CSNK1G3: variants seen among roughly 807,000 people sequenced by gnomAD.
The protein encoded by CSNK1G3 is casein kinase I isoform gamma-3.
A neutral mutation model predicts 64.3 loss-of-function variants in CSNK1G3; 23 were observed. That is an observed-to-expected ratio of 0.36 (90% CI 0.26 to 0.51). The LOEUF (loss-of-function observed/expected upper bound fraction) is 0.51, where lower values mean the gene tolerates loss of function less well. Among genes scored for constraint, CSNK1G3 ranks in the 20% least tolerant of loss-of-function variants. The pLI is 0.96. For missense variants in CSNK1G3, 357 were observed against 510.5 expected (o/e 0.70, Z 2.90); for synonymous variants, 158 against 162.2 (o/e 0.97, Z 0.20).
chr5:123,602,620 T>C (rs1794693852), intron 10 of CSNK1G3, among the ~76,000 whole-genome samples: 2 of 152,224 alleles, frequency 1.3e-5, no homozygotes, highest in South Asian at 4.1e-4. Flanking sequence ...AGCCTGGAAG[T>C]CTGGAAGATG....
At chr5:123,601,628 G>A (rs529838068) in intron 10 of CSNK1G3, among the ~76,000 whole-genome samples, 5 of 152,160 alleles carry the variant, frequency 3.3e-5, no homozygotes, top group African/African-American at 4.8e-5. Flanking sequence ...TATAATTACA[G>A]TGTATATATA....
intron 4 of CSNK1G3, among the ~76,000 whole-genome samples, chr5:123,557,925 A>G (rs1178042727): frequency 6.6e-6 from 1 of 152,220 alleles, no homozygotes; most frequent in Non-Finnish European, 1.5e-5. Context: ...CATAATCCCT[A>G]GAACCTCTAC....
chr5:123,582,729 G>C (rs961440467), intron 6 of CSNK1G3, among the ~76,000 whole-genome samples: 1 of 152,096 alleles, frequency 6.6e-6, no homozygotes, highest in Admixed American at 6.6e-5. Flanking sequence ...TAAAAAATGT[G>C]AACAGGCTTT....
chr5:123,562,762 T>C (rs1249762160), intron 4 of CSNK1G3, among the ~76,000 whole-genome samples: 3 of 152,040 alleles, frequency 2.0e-5, no homozygotes. Flanking sequence ...GAGAATTTTT[T>C]AATTAATGGA....
chr5:123,585,406 G>A (rs1014186612), intron 6 of CSNK1G3, among the ~76,000 whole-genome samples: 2 of 151,982 alleles, frequency 1.3e-5, no homozygotes, highest in African/African-American at 4.8e-5. Flanking sequence ...GATCTTGTGG[G>A]TAGAGATTTC....
chr5:123,584,658 A>G (rs1286253778), intron 6 of CSNK1G3, among the ~76,000 whole-genome samples: 1 of 152,184 alleles, frequency 6.6e-6, no homozygotes, highest in Non-Finnish European at 1.5e-5. Context: ...GGGTTTATGT[A>G]GAATTGGTAT....
rs565136457 is a variant in CSNK1G3, at chr5:123,574,740, G to A, written c.439-989G>A. 1.2e-4 allele frequency among the ~76,000 whole-genome samples: 18 copies of A among 152,266 alleles called. No homozygotes were observed. The South Asian group carries it at 3.3e-3, about 28-fold the overall frequency. Reference sequence around the variant, plus strand: ...AACTGCTGAGGAGGTTGAGGCAAGAGGATTGCTTGAGCCCGGAGGTTAAAG... The same window carrying A: ...AACTGCTGAGGAGGTTGAGGCAAGAAGATTGCTTGAGCCCGGAGGTTAAAG... On this transcript the variant is annotated intron_variant, in intron 5 of 12. Transcript: ENST00000345990.
chr5:123,555,589 T>TA (rs1006233302), intron 3 of CSNK1G3, among the ~76,000 whole-genome samples: 3 of 152,198 alleles, frequency 2.0e-5, no homozygotes, highest in African/African-American at 7.2e-5. Flanking sequence ...TATCTAATAT[T>TA]ACCCTAGTTC....
At chr5:123,541,846 T>A (rs1293114297) in intron 1 of CSNK1G3, among the ~76,000 whole-genome samples, 1 of 152,182 alleles carries the variant, frequency 6.6e-6, no homozygotes, top group Non-Finnish European at 1.5e-5. Context: ...TTATGTATGT[T>A]TTAAAGTCCA....
intron 4 of CSNK1G3, among the ~76,000 whole-genome samples, chr5:123,567,709 G>A (rs753378031): frequency 6.6e-6 from 1 of 152,080 alleles, no homozygotes; most frequent in Non-Finnish European, 1.5e-5. Context: ...CACAGTTATC[G>A]CCAAAGATAG....
At chr5:123,582,231 A>G (rs1217625431) in intron 6 of CSNK1G3, among the ~76,000 whole-genome samples, 2 of 152,148 alleles carry the variant, frequency 1.3e-5, no homozygotes, top group Non-Finnish European at 2.9e-5. Flanking sequence ...TAAGAGTAGA[A>G]TTTTTAAATA....
At chr5:123,603,857 CAT>C (rs1794899006) in intron 10 of CSNK1G3, among the ~76,000 whole-genome samples, 1 of 152,066 alleles carries the variant, frequency 6.6e-6, no homozygotes, top group Non-Finnish European at 1.5e-5. Context: ...GGCATCACAT[CAT>C]GTGGGACTTT....
chr5:123,538,612 A>G (rs999918370), intron 1 of CSNK1G3, among the ~76,000 whole-genome samples: 4 of 152,174 alleles, frequency 2.6e-5, no homozygotes, highest in Non-Finnish European at 5.9e-5. Context: ...GGATAGCATT[A>G]GGAGAAATAC....
At chr5:123,544,824 C>T (rs1017424752) in intron 1 of CSNK1G3, among the ~76,000 whole-genome samples, 2 of 152,066 alleles carry the variant, frequency 1.3e-5, no homozygotes, top group South Asian at 2.1e-4. Context: ...TTAAGGCCCA[C>T]GTTAAATGTT....
At chr5:123,585,519 A>G (rs1791164801) in intron 6 of CSNK1G3, among the ~76,000 whole-genome samples, 1 of 152,188 alleles carries the variant, frequency 6.6e-6, no homozygotes, top group Admixed American at 6.5e-5. Context: ...TCTTAAGAAA[A>G]CAAAAAAATA....
At chr5:123,605,288 C>G (rs775310343) in intron 11 of CSNK1G3, 51 bp from the exon 13 acceptor site, 5 of 1,425,632 alleles carry the variant, frequency 3.5e-6, no homozygotes, top group African/African-American at 1.4e-5. Flanking sequence ...GTTTCTGATT[C>G]TCTCTCTCTC....
chr5:123,588,091 G>A, exon 7 of CSNK1G3: 1 of 1,582,152 alleles, frequency 6.3e-7, no homozygotes, highest in Non-Finnish European at 8.6e-7. Flanking sequence ...AGACGATTTA[G>A]AAGCTTTAGG....
chr5:123,535,254 T>C (rs930558198), intron 1 of CSNK1G3, among the ~76,000 whole-genome samples: 2 of 152,146 alleles, frequency 1.3e-5, no homozygotes, highest in Admixed American at 1.3e-4. Context: ...TGGATTCCTA[T>C]ACCATTTTAT....
At chr5:123,514,304 A>G (rs1288775455) in intron 1 of CSNK1G3, among the ~76,000 whole-genome samples, 1 of 152,242 alleles carries the variant, frequency 6.6e-6, no homozygotes, top group East Asian at 1.9e-4. Context: ...TTAGTGTGTT[A>G]TGTAATTATT....
Sources: gnomAD v4.1 joint callset for allele counts (sites outside exome capture counted in the v4.1 genomes callset) on GRCh38, gnomAD v4.1.1 for gene constraint, MANE v1.5 for transcripts, NCBI Gene and HGNC (gene_info 2026-07-23, HGNC 2026-07-21) for gene names.